The following N4BP2L1 variants were observed in gnomAD, a reference collection of about 807,000 sequenced individuals.
N4BP2L1 encodes the protein NEDD4 binding protein 2 like 1, also known as NEDD4-binding protein 2-like 1.
A neutral mutation model predicts 21.2 loss-of-function variants in N4BP2L1; 12 were observed. That is an observed-to-expected ratio of 0.57 (90% CI 0.36 to 0.92). N4BP2L1 has a LOEUF of 0.92. Ranked by LOEUF, N4BP2L1 falls within the 40% of genes least tolerant of loss-of-function variation. The probability of loss-of-function intolerance (pLI) is 0.01; values close to 1 mark genes in which losing one functional copy is unlikely to be tolerated. For missense variants in N4BP2L1, 259 were observed against 310.6 expected, an observed-to-expected ratio of 0.83 and a Z score of 1.25; for synonymous variants, 104 against 112.8, an observed-to-expected ratio of 0.92 and a Z score of 0.49.
chr13:32,423,250 T>C (rs1188711591), intron 1 of N4BP2L1, among the ~76,000 whole-genome samples: 1 of 152,250 alleles, frequency 6.6e-6, no homozygotes, highest in Non-Finnish European at 1.5e-5. Context: ...CTTCTCATGA[T>C]GGAAAATTCC....
At chr13:32,414,185 C>T (rs931136038) in intron 1 of N4BP2L1, among the ~76,000 whole-genome samples, 4 of 152,088 alleles carry the variant, frequency 2.6e-5, no homozygotes, top group Admixed American at 2.0e-4. Context: ...CCCGGCCTAA[C>T]CAAGCATTTT....
intron 3 of N4BP2L1, among the ~76,000 whole-genome samples, chr13:32,404,903 G>A (rs1020000547): frequency 3.3e-5 from 5 of 151,626 alleles, no homozygotes; most frequent in African/African-American, 1.2e-4. Context: ...ATACAATTTG[G>A]GTCAATGCTC....
chr13:32,419,878 TTAAAC>T (rs1337742170), intron 1 of N4BP2L1, among the ~76,000 whole-genome samples: 1 of 152,196 alleles, frequency 6.6e-6, no homozygotes, highest in Non-Finnish European at 1.5e-5. Flanking sequence ...CTTGAGGACT[TTAAAC>T]TGGGAGATAG....
At chr13:32,427,623 C>T (rs927735284) in intron 1 of N4BP2L1, among the ~76,000 whole-genome samples, 4 of 152,288 alleles carry the variant, frequency 2.6e-5, no homozygotes, top group Non-Finnish European at 5.9e-5. Flanking sequence ...CCGTCCCCCC[C>T]GGGACAGCGC....
At chr13:32,408,254 G>T (rs2073646216) in intron 1 of N4BP2L1, among the ~76,000 whole-genome samples, 3 of 152,190 alleles carry the variant, frequency 2.0e-5, no homozygotes, top group South Asian at 2.1e-4. Context: ...TCTGTTCTCT[G>T]TAAGGACCCA....
chr13:32,415,507 T>C (rs138417671), intron 1 of N4BP2L1, among the ~76,000 whole-genome samples: 1 of 152,240 alleles, frequency 6.6e-6, no homozygotes, highest in Non-Finnish European at 1.5e-5. Flanking sequence ...TATTTTCACA[T>C]TTGTCTTCTA....
At chr13:32,415,658 A>G (rs992039850) in intron 1 of N4BP2L1, among the ~76,000 whole-genome samples, 14 of 152,322 alleles carry the variant, frequency 9.2e-5, no homozygotes, top group African/African-American at 3.4e-4. Flanking sequence ...TTCGTATTTT[A>G]GACTCCTAAT....
At chr13:32,422,053 T>A (rs2074512534) in intron 1 of N4BP2L1, among the ~76,000 whole-genome samples, 1 of 152,156 alleles carries the variant, frequency 6.6e-6, no homozygotes, top group Non-Finnish European at 1.5e-5. Context: ...CTCCAACACA[T>A]CATAACCAGG....
rs1373515540 is a variant in N4BP2L1, at chr13:32,402,090, G to C, written c.*852C>G. ...TAATTTCTTGCACTCCCAAACATTT[G>C]AGCTGCCGACTAATTACACATGTTA... is the stretch of plus-strand genomic sequence containing the variant. On this transcript the variant is annotated 3_prime_UTR_variant, in exon 5 of 5. Coordinates refer to ENST00000380130, the MANE Select transcript of N4BP2L1 (RefSeq NM_052818.3). 1 of 985,158 alleles carries C rather than the reference G, an allele frequency of 1.0e-6. No homozygotes were observed. Among genetic ancestry groups the C allele is most frequent in the African/African-American group, 1.7e-5 (1 of 57,196 alleles). The allele number at this position is 985,158 out of a possible 1,614,324, so 61.0% of individuals were successfully genotyped here.
chr13:32,410,386 C>G (rs1031737990), intron 1 of N4BP2L1, among the ~76,000 whole-genome samples: 3 of 152,312 alleles, frequency 2.0e-5, no homozygotes, highest in Middle Eastern at 3.4e-3. Context: ...TTGGTCAAAG[C>G]GAGTCACTTT....
chr13:32,427,881 G>A (rs755451308), intron 1 of N4BP2L1, 23 bp downstream of exon 1: 5 of 1,432,542 alleles, frequency 3.5e-6, no homozygotes, highest in Non-Finnish European at 4.6e-6. Context: ...CCCGTGCACC[G>A]GCGCCCAGAC....
intron 1 of N4BP2L1, among the ~76,000 whole-genome samples, chr13:32,411,059 G>C (rs921775617): frequency 1.3e-5 from 2 of 152,024 alleles, no homozygotes; most frequent in East Asian, 3.9e-4. Flanking sequence ...CCTTTAAAAA[G>C]ACTTTAAGGC....
intron 1 of N4BP2L1, among the ~76,000 whole-genome samples, chr13:32,419,635 TGAA>T (rs2074365604): frequency 6.6e-6 from 1 of 152,064 alleles, no homozygotes; most frequent in Non-Finnish European, 1.5e-5. Flanking sequence ...TGCCGCCATG[TGAA>T]GAAGGACATG....
chr13:32,404,297 G>A (rs1193112199), intron 4 of N4BP2L1, 24 bp downstream of exon 4: 2 of 1,604,396 alleles, frequency 1.2e-6, no homozygotes, highest in South Asian at 1.1e-5. Flanking sequence ...TACATAATGA[G>A]GAACTAGAAA....
intron 3 of N4BP2L1, among the ~76,000 whole-genome samples, chr13:32,405,526 T>C (rs1351921165): frequency 1.3e-5 from 2 of 148,528 alleles, no homozygotes; most frequent in Non-Finnish European, 3.0e-5. Flanking sequence ...AAACAAAAAG[T>C]AAAATGACTT....
intron 3 of N4BP2L1, among the ~76,000 whole-genome samples, chr13:32,405,758 G>C (rs1473750767): frequency 1.3e-5 from 2 of 152,258 alleles, no homozygotes; most frequent in East Asian, 3.9e-4. Context: ...ACACCTGTAA[G>C]TATGCCAGTT....
chr13:32,405,860 A>G (rs1033537837), intron 3 of N4BP2L1, among the ~76,000 whole-genome samples: 6 of 143,996 alleles, frequency 4.2e-5, no homozygotes, highest in Non-Finnish European at 9.1e-5. Flanking sequence ...GCATGATGCG[A>G]GGAGGATACT....
intron 1 of N4BP2L1, among the ~76,000 whole-genome samples, chr13:32,421,271 C>A (rs929689947): frequency 6.6e-6 from 1 of 152,128 alleles, no homozygotes; most frequent in African/African-American, 2.4e-5. Context: ...AATAAATATA[C>A]GTCAGTGGTA....
chr13:32,405,892 C>CCTTTTTTTTTTTTT lies in N4BP2L1; in HGVS notation c.396+1357_396+1358insAAAAAAAAAAAAAG, dbSNP rs2073452557. On this transcript the variant is annotated intron_variant, in intron 3 of 4. Coordinates refer to ENST00000380130, the MANE Select transcript of N4BP2L1 (RefSeq NM_052818.3). ...TACTCCACTATCTGCTTCCTGCCCC[C>CCTTTTTTTTTTTTT]TTTTTTTTTTTTTTTTTTTTTTTTT... is the stretch of plus-strand genomic sequence containing the variant. Among the ~76,000 whole-genome samples the CCTTTTTTTTTTTTT allele has an allele frequency of 2.0e-5, 2 of 101,192 alleles. 1 individual carries two copies. 66.4% of individuals were successfully genotyped at this position (101,192 alleles called of 152,430 possible).
Sources: allele counts gnomAD v4.1 joint callset (sites outside exome capture counted in the v4.1 genomes callset), GRCh38; gene constraint gnomAD v4.1.1; transcripts MANE v1.5; gene names NCBI Gene and HGNC (gene_info 2026-07-23, HGNC 2026-07-21).